Variants in EPHA5 observed in about 807,000 individuals in gnomAD.
The protein encoded by EPHA5 is ephrin type-A receptor 5.
Under a neutral mutation model 105.0 loss-of-function variants are expected in EPHA5, and 60 were observed. The observed-to-expected ratio is 0.57, with a 90% CI of 0.46 to 0.71. The LOEUF (loss-of-function observed/expected upper bound fraction) is 0.71. Among genes scored for constraint, EPHA5 ranks in the 30% least tolerant of loss-of-function variants. EPHA5 has a pLI of 0.00. For synonymous variants in EPHA5, 513 were observed against 449.1 expected, an observed-to-expected ratio of 1.14 and a Z score of -1.80; for missense variants, 1,218 against 1,274.7, an observed-to-expected ratio of 0.96 and a Z score of 0.68.
At chr4:65,394,231 T>C (rs1720996776) in intron 8 of EPHA5, among the ~76,000 whole-genome samples, 1 of 152,200 alleles carries the variant, frequency 6.6e-6, no homozygotes, top group Admixed American at 6.5e-5. Flanking sequence ...TTATTCATAT[T>C]TCTGATAGTT....
intron 3 of EPHA5, among the ~76,000 whole-genome samples, chr4:65,543,447 A>G (rs1237596413): frequency 6.6e-6 from 1 of 152,082 alleles, no homozygotes; most frequent in Non-Finnish European, 1.5e-5. Flanking sequence ...GTAGAGAGCC[A>G]AATCACAAAG....
At chr4:65,369,657 C>G (rs1718263274) in intron 8 of EPHA5, among the ~76,000 whole-genome samples, 1 of 152,028 alleles carries the variant, frequency 6.6e-6, no homozygotes, top group Admixed American at 6.6e-5. Flanking sequence ...ATCCATCTTT[C>G]ATCATTTTTG....
intron 3 of EPHA5, among the ~76,000 whole-genome samples, chr4:65,518,468 C>T (rs903455556): frequency 1.3e-5 from 2 of 151,738 alleles, no homozygotes; most frequent in Non-Finnish European, 2.9e-5. Context: ...TTCCATATTC[C>T]TGTTTCAAAT....
chr4:65,348,675 T>G (rs1454694763), intron 13 of EPHA5, among the ~76,000 whole-genome samples: 1 of 76,924 alleles, frequency 1.3e-5, no homozygotes, highest in Non-Finnish European at 2.8e-5. Flanking sequence ...TATATATATA[T>G]ATATATATAT....
intron 2 of EPHA5, among the ~76,000 whole-genome samples, chr4:65,610,362 G>T (rs1374567982): frequency 2.0e-5 from 3 of 151,992 alleles, no homozygotes; most frequent in African/African-American, 7.3e-5. Flanking sequence ...ACTAGGGACT[G>T]CTTGACAGAG....
At chr4:65,366,462 G>T (rs1444541992) in intron 9 of EPHA5, among the ~76,000 whole-genome samples, 1 of 151,778 alleles carries the variant, frequency 6.6e-6, no homozygotes, top group Non-Finnish European at 1.5e-5. Flanking sequence ...TATGCAAAAT[G>T]ATTTCAAGTA....
At chr4:65,634,417 T>A (rs921142886) in intron 2 of EPHA5, among the ~76,000 whole-genome samples, 1 of 152,086 alleles carries the variant, frequency 6.6e-6, no homozygotes, top group Non-Finnish European at 1.5e-5. Context: ...ACTTGTCTTA[T>A]ATACAGAAGC....
At chr4:65,577,744 C>T (rs1405223968) in intron 3 of EPHA5, among the ~76,000 whole-genome samples, 2 of 151,980 alleles carry the variant, frequency 1.3e-5, no homozygotes, top group Non-Finnish European at 2.9e-5. Flanking sequence ...ACCCTGGATT[C>T]TAAAATATCA....
At chr4:65,626,034 G>A (rs1489732941) in intron 2 of EPHA5, among the ~76,000 whole-genome samples, 1 of 150,860 alleles carries the variant, frequency 6.6e-6, no homozygotes, top group African/African-American at 2.4e-5. Flanking sequence ...CCGGGAGGCG[G>A]AGCTTGCAGT....
At chr4:65,585,146 C>G (rs62300411) in intron 3 of EPHA5, among the ~76,000 whole-genome samples, 12 of 77,992 alleles carry the variant, frequency 1.5e-4, no homozygotes, top group Non-Finnish European at 3.8e-4. Context: ...GTGTGTGTGT[C>G]TGTGTCCAGA....
Position 65,404,381 on chromosome 4 carries a change from T to C in EPHA5, c.1786A>G (p.Ser596Gly). 1 of 1,612,972 alleles carries C rather than the reference T, an allele frequency of 6.2e-7. No individual in the cohort carries two copies. Among genetic ancestry groups the C allele is most frequent in the Non-Finnish European group, 8.5e-7 (1 of 1,179,218 alleles). ...CACAGCTTCCTCTCTTACCTTCCACTGAGGAGGACGCCGATAACCACTGCC... is the reference window on the plus strand; with the variant it reads ...CACAGCTTCCTCTCTTACCTTCCACCGAGGAGGACGCCGATAACCACTGCC... ...LLAVVIGVLL[S>G]GRRCGYSKAK... is the part of the protein sequence containing the mutation. Residue 596 changes from serine to glycine, a missense_variant, in exon 8 of 17, where the codon AGT becomes GGT. Ser to Gly is a moderately conservative substitution (Grantham distance 56). This residue lies in a region of EPHA5 where 971 missense variants were observed against 1,013.5 expected (regional missense o/e 0.96). Coordinates refer to ENST00000613740, the MANE Select transcript of EPHA5 (RefSeq NM_001281766.3).
At chr4:65,405,597 C>T (rs959332693) in intron 7 of EPHA5, among the ~76,000 whole-genome samples, 1 of 152,106 alleles carries the variant, frequency 6.6e-6, no homozygotes, top group Non-Finnish European at 1.5e-5. Flanking sequence ...GATCTACTTT[C>T]AAATATTCTA....
At chr4:65,325,483 T>C (rs1284482778) in intron 16 of EPHA5, among the ~76,000 whole-genome samples, 1 of 151,342 alleles carries the variant, frequency 6.6e-6, no homozygotes, top group Non-Finnish European at 1.5e-5. Context: ...AAAATGCTAT[T>C]GATATTTGTG....
chr4:65,495,361 C>T (rs1312803496), intron 4 of EPHA5, 27 bp downstream of exon 4: 1 of 1,603,168 alleles, frequency 6.2e-7, no homozygotes, highest in South Asian at 1.1e-5. Context: ...AAAGTTAGCA[C>T]CACCAAATAT....
intron 7 of EPHA5, among the ~76,000 whole-genome samples, chr4:65,405,425 T>G (rs80099649): frequency 1.3e-5 from 2 of 152,150 alleles, no homozygotes; most frequent in African/African-American, 4.8e-5. Context: ...AATATTGTCA[T>G]AGAAATTAAT....
At chr4:65,628,706 A>T (rs1469271064) in intron 2 of EPHA5, among the ~76,000 whole-genome samples, 2 of 152,162 alleles carry the variant, frequency 1.3e-5, no homozygotes, top group Non-Finnish European at 2.9e-5. Context: ...ATATTTCAGG[A>T]TTATACTCAT....
chr4:65,664,644 T>C (rs1239164454), intron 1 of EPHA5, among the ~76,000 whole-genome samples: 3 of 151,882 alleles, frequency 2.0e-5, no homozygotes, highest in Non-Finnish European at 4.4e-5. Flanking sequence ...ATGAATTACA[T>C]AACTTTTGAT....
rs998468658 is a variant in EPHA5, at chr4:65,481,181, C to T, written c.1402+9196G>A. Among the ~76,000 whole-genome samples, 16 of 152,150 alleles carry T rather than the reference C, an allele frequency of 1.1e-4. 1 individual carries two copies. Among genetic ancestry groups the T allele is most frequent in the Admixed American group, 1.0e-3 (16 of 15,266 alleles). Reference sequence around the variant, plus strand: ...ACTTCATAGTTTAAAGAAATAAAATCACCATCTCCAAGATTAAGTTCTTAG... The same window carrying T: ...ACTTCATAGTTTAAAGAAATAAAATTACCATCTCCAAGATTAAGTTCTTAG... On this transcript the variant is annotated intron_variant, in intron 5 of 16. Transcript: ENST00000613740.
chr4:65,362,015 A>C (rs979032231), intron 11 of EPHA5, among the ~76,000 whole-genome samples: 1 of 151,650 alleles, frequency 6.6e-6, no homozygotes, highest in East Asian at 1.9e-4. Flanking sequence ...TGTCTATTAC[A>C]CTAAAGTGTC....
Sources: gnomAD v4.1 joint callset for allele counts (sites outside exome capture counted in the v4.1 genomes callset) on GRCh38, gnomAD v4.1.1 for gene constraint, gnomAD v4.1.1 regional missense constraint, MANE v1.5 for transcripts, NCBI Gene and HGNC (gene_info 2026-07-23, HGNC 2026-07-21) for gene names.